SLIT2: variants seen among roughly 807,000 people sequenced by gnomAD.
SLIT2 encodes the protein slit guidance ligand 2.
A neutral mutation model predicts 185.7 loss-of-function variants in SLIT2; 41 were observed. That is an observed-to-expected ratio of 0.22 (90% CI 0.17 to 0.29). The LOEUF is 0.29. Among genes scored for constraint, SLIT2 ranks in the 10% least tolerant of loss-of-function variants. The pLI is 1.00. For synonymous variants in SLIT2, 693 were observed against 680.2 expected, an observed-to-expected ratio of 1.02 and a Z score of -0.29; for missense variants, 1,571 against 1,909.0, an observed-to-expected ratio of 0.82 and a Z score of 3.30.
At chr4:20,363,044 G>A (rs1722861612) in intron 4 of SLIT2, among the ~76,000 whole-genome samples, 1 of 152,040 alleles carries the variant, frequency 6.6e-6, no homozygotes, top group Non-Finnish European at 1.5e-5. Flanking sequence ...ATTGAACCAT[G>A]ATAATCAAAG....
chr4:20,529,666 T>C (rs193246961), intron 16 of SLIT2, among the ~76,000 whole-genome samples: 2 of 152,320 alleles, frequency 1.3e-5, no homozygotes, highest in Non-Finnish European at 2.9e-5. Flanking sequence ...AGCCTTAACA[T>C]AGGACCTTGC....
intron 30 of SLIT2, among the ~76,000 whole-genome samples, chr4:20,589,999 A>G (rs540099812): frequency 1.0e-3 from 136 of 129,730 alleles, no homozygotes; most frequent in African/African-American, 3.8e-3. Context: ...TCCTCCTCCC[A>G]GGTTCACGCC....
Position 20,595,147 on chromosome 4 carries a change from G to A in SLIT2, c.3183-550G>A, listed in dbSNP as rs1004851242. On this transcript the variant is annotated intron_variant, in intron 30 of 36. Coordinates refer to ENST00000504154, the MANE Select transcript of SLIT2 (RefSeq NM_004787.4). ...TATGTCAGTCCCGTTCTTCTATAAT[G>A]AGTATCTGGATTCATTGTGAATTAG... 5.3e-5 allele frequency among the ~76,000 whole-genome samples: 8 copies of A among 152,222 alleles called. No homozygotes were observed. In the South Asian group the frequency reaches 1.5e-3, roughly 28 times the overall value.
At chr4:20,368,219 C>CAAAAAAAAAAAAAAAAAAAAAAAAAAAA (rs71653879) in intron 4 of SLIT2, among the ~76,000 whole-genome samples, 5 of 107,422 alleles carry the variant, frequency 4.7e-5, no homozygotes, top group Admixed American at 9.9e-5. Flanking sequence ...CACAAAATAG[C>CAAAAAAAAAAAAAAAAAAAAAAAAAAAA]AAAAAAAAAA....
chr4:20,574,378 CA>C (rs572319460), intron 29 of SLIT2, among the ~76,000 whole-genome samples: 54 of 152,204 alleles, frequency 3.5e-4, no homozygotes, highest in Middle Eastern at 6.8e-3. Flanking sequence ...TTCAGCTTAC[CA>C]AAAGTCTTCA....
chr4:20,580,345 T>C (rs569721600), intron 29 of SLIT2, among the ~76,000 whole-genome samples: 11 of 151,736 alleles, frequency 7.2e-5, no homozygotes, highest in African/African-American at 2.7e-4. Flanking sequence ...GTTGATATAA[T>C]GTAAAGTAAT....
At chr4:20,561,901 A>G (rs1050605273) in intron 26 of SLIT2, among the ~76,000 whole-genome samples, 1 of 151,824 alleles carries the variant, frequency 6.6e-6, no homozygotes, top group Non-Finnish European at 1.5e-5. Context: ...CTAGCAATTA[A>G]TGCTCTGTTC....
At chr4:20,307,521 AAGTAT>A (rs563966401) in intron 4 of SLIT2, among the ~76,000 whole-genome samples, 85 of 152,088 alleles carry the variant, frequency 5.6e-4, no homozygotes, top group African/African-American at 2.0e-3. Context: ...TGGCCTGCTA[AAGTAT>A]TGGGATTATA....
chr4:20,269,849 C>A (rs1178157563), intron 4 of SLIT2, among the ~76,000 whole-genome samples: 1 of 151,766 alleles, frequency 6.6e-6, no homozygotes, highest in Non-Finnish European at 1.5e-5. Context: ...ACTGTCCTCT[C>A]ACACCCTTCA....
chr4:20,620,405 G>T lies in SLIT2; in HGVS notation c.*1396G>T, dbSNP rs891673316. On this transcript the variant is annotated 3_prime_UTR_variant, in exon 37 of 37. Coordinates refer to ENST00000504154, the MANE Select transcript of SLIT2 (RefSeq NM_004787.4). ...GCTCTTCCCTCATTAAAATCCCAGG[G>T]TGCCCTGTAAAGATGCAGATGTTTC... The T allele has an allele frequency of 2.2e-6, 1 of 455,228 alleles. No individual in the cohort carries two copies. The highest frequency in any genetic ancestry group is 2.0e-5 in the African/African-American group (1 of 49,994). The allele number at this position is 455,228 out of a possible 1,614,324, so 28.2% of individuals were successfully genotyped here. A position where few individuals can be genotyped will look rare whatever the true frequency, so the allele number is the denominator to read the frequency against.
intron 4 of SLIT2, among the ~76,000 whole-genome samples, chr4:20,390,298 A>C (rs1190142576): frequency 1.3e-5 from 2 of 152,192 alleles, no homozygotes; most frequent in African/African-American, 4.8e-5. Context: ...CGTGCATTGA[A>C]TAATTGACAC....
chr4:20,460,646 C>T (rs1411281316), intron 4 of SLIT2, among the ~76,000 whole-genome samples: 1 of 152,172 alleles, frequency 6.6e-6, no homozygotes, highest in Admixed American at 6.5e-5. Context: ...TTAACTGCCC[C>T]AGCCGCTGGT....
At chr4:20,548,251 G>T (rs1274471892) in intron 22 of SLIT2, among the ~76,000 whole-genome samples, 1 of 151,976 alleles carries the variant, frequency 6.6e-6, no homozygotes, top group Non-Finnish European at 1.5e-5. Context: ...ACACTACATT[G>T]GCTAAAGCAA....
Position 20,510,982 on chromosome 4 carries a change from AT to A in SLIT2, c.987-81del, listed in dbSNP as rs548097429. On this transcript the variant is annotated intron_variant, in intron 10 of 36. Transcript: ENST00000504154. ...ATGTCTTGATAAGTACAAAACCAAC[AT>A]TTAAAAGCCATACATAGCTTTTTCC... is the stretch of plus-strand genomic sequence containing the variant. The A allele has an allele frequency of 1.6e-3, 1,356 of 841,274 alleles. 9 individuals are homozygous for A. Among genetic ancestry groups the A allele is most frequent in the Middle Eastern group, 0.015 (67 of 4,454 alleles). The allele number at this position is 841,274 out of a possible 1,614,324, so 52.1% of individuals were successfully genotyped here.
chr4:20,449,684 C>G (rs187986634), intron 4 of SLIT2, among the ~76,000 whole-genome samples: 119 of 151,930 alleles, frequency 7.8e-4, no homozygotes, highest in Admixed American at 2.8e-3. Context: ...TGGGATTACA[C>G]GCGTGAGCCA....
At chr4:20,468,879 G>T (rs1577714946) in intron 5 of SLIT2, among the ~76,000 whole-genome samples, 1 of 149,286 alleles carries the variant, frequency 6.7e-6, no homozygotes, top group Non-Finnish European at 1.5e-5. Flanking sequence ...GCAAAAGTAA[G>T]ACAGATGTTT....
At chr4:20,491,154 T>G (rs1164208675) in intron 8 of SLIT2, among the ~76,000 whole-genome samples, 1 of 152,178 alleles carries the variant, frequency 6.6e-6, no homozygotes, top group Non-Finnish European at 1.5e-5. Flanking sequence ...AAAAGAATAA[T>G]TTTTTATTAA....
chr4:20,422,107 A>G (rs1158002951), intron 4 of SLIT2, among the ~76,000 whole-genome samples: 1 of 152,148 alleles, frequency 6.6e-6, no homozygotes, highest in East Asian at 1.9e-4. Context: ...ATACGTTTTA[A>G]TTGTCATCTC....
chr4:20,498,965 T>G (rs952770045), intron 9 of SLIT2, among the ~76,000 whole-genome samples: 2 of 152,226 alleles, frequency 1.3e-5, no homozygotes, highest in Non-Finnish European at 2.9e-5. Flanking sequence ...ATAGTTTTAT[T>G]TTTTGTTCTT....
Sources: allele counts gnomAD v4.1 joint callset (sites outside exome capture counted in the v4.1 genomes callset), GRCh38; gene constraint gnomAD v4.1.1; transcripts MANE v1.5; gene names NCBI Gene and HGNC (gene_info 2026-07-23, HGNC 2026-07-21).